The following FARP1 variants were observed in gnomAD, a reference collection of about 807,000 sequenced individuals.
The protein encoded by FARP1 is FERM, ARHGEF and pleckstrin domain-containing protein 1.
FARP1 carries 52 observed loss-of-function variants against 128.8 expected under a neutral mutation model. The ratio of observed to expected loss-of-function variants is 0.40; its 90% CI spans 0.32 to 0.51. FARP1 has a LOEUF of 0.51. Among genes scored for constraint, FARP1 ranks in the 20% least tolerant of loss-of-function variants. FARP1 has a pLI of 0.45. For missense variants in FARP1, 1,333 were observed against 1,367.9 expected (o/e 0.97, Z 0.40); for synonymous variants, 580 against 551.8 (o/e 1.05, Z -0.72).
chr13:98,146,013 G>C (rs1384162934), intron 1 of FARP1, among the ~76,000 whole-genome samples: 1 of 152,018 alleles, frequency 6.6e-6, no homozygotes, highest in Admixed American at 6.6e-5. Flanking sequence ...GAACACCTAA[G>C]AGCTTAATTC....
At chr13:98,317,516 CA>C (rs1345259457) in intron 2 of FARP1, among the ~76,000 whole-genome samples, 1 of 152,214 alleles carries the variant, frequency 6.6e-6, no homozygotes, top group Non-Finnish European at 1.5e-5. Flanking sequence ...GTCCTGACGA[CA>C]AAATCCCCTT....
intron 2 of FARP1, among the ~76,000 whole-genome samples, chr13:98,281,909 A>G (rs1474711748): frequency 6.6e-6 from 1 of 152,184 alleles, no homozygotes; most frequent in Non-Finnish European, 1.5e-5. Flanking sequence ...GGCAGATGTG[A>G]AATTCTAATG....
rs1891983903 is a variant in FARP1 at position 98,430,897 on chromosome 13, C to G, written c.1906-146C>G. The stretch of plus-strand genomic sequence containing the variant: ...TAAGTGAAATAACAAAAAGAGTGAA[C>G]TATGAACAATGTGAAATTTAAGGAA... On this transcript the variant is annotated intron_variant, in intron 17 of 26. Transcript: ENST00000319562. 4.4e-5 allele frequency: 28 copies of G among 634,076 alleles called. No homozygotes were observed. In the South Asian group the frequency reaches 5.3e-4, roughly 12 times the overall value. The allele number at this position is 634,076 out of a possible 1,614,324, so 39.3% of individuals were successfully genotyped here. A position where few individuals can be genotyped will look rare whatever the true frequency, so the allele number is the denominator to read the frequency against.
intron 1 of FARP1, among the ~76,000 whole-genome samples, chr13:98,184,700 C>A (rs1319125921): frequency 1.3e-5 from 2 of 152,144 alleles, no homozygotes; most frequent in African/African-American, 4.8e-5. Flanking sequence ...AACTCCACAG[C>A]CTTTACATTT....
intron 1 of FARP1, among the ~76,000 whole-genome samples, chr13:98,146,061 G>C (rs1230422697): frequency 1.3e-5 from 2 of 152,096 alleles, no homozygotes; most frequent in African/African-American, 4.8e-5. Flanking sequence ...GAGGATGCTT[G>C]TGATAAACAT....
intron 2 of FARP1, among the ~76,000 whole-genome samples, chr13:98,260,044 T>C (rs1232918773): frequency 6.6e-6 from 1 of 152,148 alleles, no homozygotes; most frequent in African/African-American, 2.4e-5. Context: ...CTCTGGACTA[T>C]ATTAAATGTG....
chr13:98,151,679 T>TTTTTTTTTTTTTTTTTAG, intron 1 of FARP1, among the ~76,000 whole-genome samples: 1 of 143,370 alleles, frequency 7.0e-6, no homozygotes, highest in Non-Finnish European at 1.5e-5. Context: ...TTTTTTTTTT[T>TTTTTTTTTTTTTTTTTAG]GAGACGGAGT....
At chr13:98,304,526 A>G (rs1177236653) in intron 2 of FARP1, among the ~76,000 whole-genome samples, 1 of 152,034 alleles carries the variant, frequency 6.6e-6, no homozygotes, top group Admixed American at 6.5e-5. Flanking sequence ...GCTGGTGGAG[A>G]AGAGGGCTGC....
chr13:98,156,124 A>C (rs1462547507), intron 1 of FARP1, among the ~76,000 whole-genome samples: 1 of 152,230 alleles, frequency 6.6e-6, no homozygotes, highest in African/African-American at 2.4e-5. Flanking sequence ...ATTATGATAC[A>C]AATCATGGAT....
chr13:98,358,346 G>A (rs2139937130), intron 3 of FARP1, among the ~76,000 whole-genome samples: 1 of 152,076 alleles, frequency 6.6e-6, no homozygotes, highest in South Asian at 2.1e-4. Context: ...TCATTTTCCT[G>A]TCTCTTGGAG....
At chr13:98,163,462 T>C (rs1325512977) in intron 1 of FARP1, among the ~76,000 whole-genome samples, 1 of 151,840 alleles carries the variant, frequency 6.6e-6, no homozygotes, top group Non-Finnish European at 1.5e-5. Flanking sequence ...AAGTTAAAAA[T>C]TAAAAACAAA....
intron 4 of FARP1, among the ~76,000 whole-genome samples, chr13:98,366,964 C>A (rs73567635): frequency 6.6e-6 from 1 of 151,942 alleles, no homozygotes; most frequent in African/African-American, 2.4e-5. Context: ...AAAAGTAAAA[C>A]AGACATTTTT....
chr13:98,382,886 G>A (rs1889942452), intron 6 of FARP1, among the ~76,000 whole-genome samples: 1 of 152,200 alleles, frequency 6.6e-6, no homozygotes, highest in Non-Finnish European at 1.5e-5. Flanking sequence ...GTCCCCGCGT[G>A]CAGTGCTATC....
intron 2 of FARP1, among the ~76,000 whole-genome samples, chr13:98,276,097 G>GGCTC (rs1884642993): frequency 6.6e-6 from 1 of 152,172 alleles, no homozygotes; most frequent in Admixed American, 6.5e-5. Context: ...CATTCTGAGA[G>GGCTC]GCTCACAGGA....
chr13:98,149,644 G>C lies in FARP1; in HGVS notation c.-24+6152G>C, dbSNP rs199664289. Among the ~76,000 whole-genome samples the C allele has an allele frequency of 3.5e-4, 12 of 34,152 alleles. No individual in the cohort carries two copies. The East Asian group carries it at 0.2, about 569-fold the overall frequency. 22.4% of individuals were successfully genotyped at this position (34,152 alleles called of 152,430 possible). On this transcript the variant is annotated intron_variant, in intron 1 of 26. Coordinates refer to ENST00000319562, the MANE Select transcript of FARP1 (RefSeq NM_005766.4). ...TGTAGTGATATCTCACTGTGGTTTT[G>C]TTTTTCCTGATAACTAATGAAACAT...
intron 5 of FARP1, among the ~76,000 whole-genome samples, chr13:98,369,829 T>G (rs1889254332): frequency 6.6e-6 from 1 of 152,194 alleles, no homozygotes; most frequent in Admixed American, 6.5e-5. Context: ...CAGTGACTGT[T>G]TAATACCGAG....
intron 16 of FARP1, among the ~76,000 whole-genome samples, chr13:98,416,684 C>T (rs1390678002): frequency 6.6e-6 from 1 of 152,174 alleles, no homozygotes; most frequent in Non-Finnish European, 1.5e-5. Context: ...CAACCTTTGG[C>T]GTGCAGTCAG....
At chr13:98,175,923 T>C in intron 1 of FARP1, 1 of 544,284 alleles carries the variant, frequency 1.8e-6, no homozygotes, top group East Asian at 3.0e-5. Context: ...CATTCCATTG[T>C]GTGTGTGTAT....
chr13:98,245,246 G>C (rs371006700), intron 2 of FARP1: 2 of 984,766 alleles, frequency 2.0e-6, no homozygotes, highest in African/African-American at 3.5e-5. Flanking sequence ...TTTATTCAAA[G>C]AATGGATTGT....
Sources: allele counts gnomAD v4.1 joint callset (sites outside exome capture counted in the v4.1 genomes callset), GRCh38; gene constraint gnomAD v4.1.1; transcripts MANE v1.5; gene names NCBI Gene and HGNC (gene_info 2026-07-23, HGNC 2026-07-21).